BABAM2: variants seen among roughly 807,000 people sequenced by gnomAD.
BABAM2 encodes BRISC and BRCA1 A complex member 2, also known as BRISC and BRCA1-A complex member 2.
Under a neutral mutation model 54.7 loss-of-function variants are expected in BABAM2, and 31 were observed. That is an observed-to-expected ratio of 0.57 (90% CI 0.43 to 0.77). The LOEUF is 0.77. Ranked by LOEUF, BABAM2 falls within the 30% of genes least tolerant of loss-of-function variation. The pLI is 0.00. For missense variants in BABAM2, 364 were observed against 455.8 expected (o/e 0.80, Z 1.83); for synonymous variants, 167 against 162.9 (o/e 1.03, Z -0.19).
chr2:28,266,300 C>T (rs2148148197), intron 10 of BABAM2, among the ~76,000 whole-genome samples: 1 of 152,288 alleles, frequency 6.6e-6, no homozygotes, highest in East Asian at 1.9e-4. Context: ...TTTCTTCTTT[C>T]TGACTTGAAA....
intron 7 of BABAM2, among the ~76,000 whole-genome samples, chr2:28,202,485 A>G (rs956647094): frequency 1.3e-5 from 2 of 151,920 alleles, no homozygotes; most frequent in Admixed American, 6.6e-5. Flanking sequence ...TATAATGTTG[A>G]GTAGGAAGTT....
Position 28,338,817 on chromosome 2 carries a change from T to C in BABAM2, c.*304T>C. On this transcript the variant is annotated 3_prime_UTR_variant, in exon 12 of 12. Coordinates refer to ENST00000379624, the MANE Select transcript of BABAM2 (RefSeq NM_199191.3). The stretch of plus-strand genomic sequence containing the variant: ...TCCGGGGAAAGTAAAGCCTCAGGAA[T>C]GCCCACGCCTTTCTTCCAAAGCCTT... 3 of 340,808 alleles carry C rather than the reference T, an allele frequency of 8.8e-6. No individual in the cohort carries two copies. In the South Asian group the frequency reaches 9.5e-5, roughly 11 times the overall value. 21.1% of individuals were successfully genotyped at this position (340,808 alleles called of 1,614,324 possible). A position where few individuals can be genotyped will look rare whatever the true frequency, so the allele number is the denominator to read the frequency against.
intron 7 of BABAM2, among the ~76,000 whole-genome samples, chr2:28,208,588 C>T (rs1183052748): frequency 1.3e-5 from 2 of 151,970 alleles, no homozygotes; most frequent in East Asian, 1.9e-4. Flanking sequence ...TCCTTCCCTC[C>T]TTTTCTCCTT....
chr2:28,222,460 G>A (rs953484647), intron 7 of BABAM2, among the ~76,000 whole-genome samples: 7 of 152,122 alleles, frequency 4.6e-5, no homozygotes, highest in African/African-American at 4.8e-5. Flanking sequence ...AACTACTTTC[G>A]GCCCATTGAT....
At position 28,196,321 on chromosome 2, in the gene BABAM2, C is replaced by CGTCTCAAAAAAAAAAAA. The variant is rs1360883175; in HGVS notation, c.681-40881_681-40880insGTCTCAAAAAAAAAAAA. Among the ~76,000 whole-genome samples the CGTCTCAAAAAAAAAAAA allele has an allele frequency of 1.1e-4, 12 of 107,552 alleles. 1 individual carries two copies. The highest frequency in any genetic ancestry group is 4.9e-4 in the Admixed American group (5 of 10,240). The allele number at this position is 107,552 out of a possible 152,430, so 70.6% of individuals were successfully genotyped here. A position where few individuals can be genotyped will look rare whatever the true frequency, so the allele number is the denominator to read the frequency against. The stretch of plus-strand genomic sequence containing the variant: ...CAGCCTGGGCAACAGAGCAAGACTC[C>CGTCTCAAAAAAAAAAAA]ATATAAAAAAAAAATGAATTTTTTA... On this transcript the variant is annotated intron_variant, in intron 7 of 11. Transcript: ENST00000379624.
chr2:28,327,028 T>C lies in BABAM2; in HGVS notation c.1089-11422T>C, dbSNP rs1690524638. On this transcript the variant is annotated intron_variant, in intron 11 of 11. Transcript: ENST00000379624. ...AGCTGGTGAGTGTTGGACACTATGCTCCAGGCTGGGGATGCAAAGATGGAT... is the reference window on the plus strand; with the variant it reads ...AGCTGGTGAGTGTTGGACACTATGCCCCAGGCTGGGGATGCAAAGATGGAT... 2.0e-5 allele frequency among the ~76,000 whole-genome samples: 3 copies of C among 152,192 alleles called. No homozygotes were observed. The South Asian group carries it at 6.2e-4, about 32-fold the overall frequency.
chr2:28,064,024 A>G (rs764017712), intron 6 of BABAM2, among the ~76,000 whole-genome samples: 1 of 152,220 alleles, frequency 6.6e-6, no homozygotes, highest in South Asian at 2.1e-4. Context: ...AGAGACTACC[A>G]TGGAGGCTTC....
At chr2:28,200,439 A>T (rs1431703630) in intron 7 of BABAM2, among the ~76,000 whole-genome samples, 1 of 152,236 alleles carries the variant, frequency 6.6e-6, no homozygotes, top group Non-Finnish European at 1.5e-5. Flanking sequence ...TAATAAAAGC[A>T]GTATATCATT....
chr2:27,914,960 G>T (rs1024493457), intron 2 of BABAM2, among the ~76,000 whole-genome samples: 3 of 152,038 alleles, frequency 2.0e-5, no homozygotes, highest in Admixed American at 2.0e-4. Context: ...GCTCTGTCTA[G>T]TCTCTGCTTG....
intron 8 of BABAM2, among the ~76,000 whole-genome samples, chr2:28,238,293 C>T (rs1025937420): frequency 3.3e-5 from 5 of 152,180 alleles, no homozygotes; most frequent in African/African-American, 1.2e-4. Flanking sequence ...TAATGTCCAG[C>T]TAGTATATTT....
chr2:28,051,162 G>A (rs746310679), intron 6 of BABAM2, among the ~76,000 whole-genome samples: 2 of 152,160 alleles, frequency 1.3e-5, no homozygotes, highest in Non-Finnish European at 2.9e-5. Context: ...TTACTTGTTG[G>A]ATGCTGCTTC....
chr2:28,009,986 G>A (rs1334059562), intron 4 of BABAM2, among the ~76,000 whole-genome samples: 6 of 152,154 alleles, frequency 3.9e-5, no homozygotes, highest in African/African-American at 1.2e-4. Flanking sequence ...TTAAGGGACT[G>A]TGAAGCCAGT....
intron 7 of BABAM2, among the ~76,000 whole-genome samples, chr2:28,182,024 G>C (rs541797417): frequency 1.3e-5 from 2 of 152,300 alleles, no homozygotes; most frequent in South Asian, 4.2e-4. Flanking sequence ...TACTGAGAGT[G>C]ATCAAGGATC....
chr2:28,229,730 G>T (rs903348108), intron 7 of BABAM2, among the ~76,000 whole-genome samples: 2 of 151,876 alleles, frequency 1.3e-5, no homozygotes, highest in Non-Finnish European at 2.9e-5. Flanking sequence ...AACTACAGGT[G>T]TGCACCACCA....
chr2:28,206,546 G>A (rs2147972087), intron 7 of BABAM2, among the ~76,000 whole-genome samples: 1 of 152,270 alleles, frequency 6.6e-6, no homozygotes, highest in East Asian at 1.9e-4. Context: ...ACTGACTGAT[G>A]AGGTGGTGAG....
intron 6 of BABAM2, among the ~76,000 whole-genome samples, chr2:28,048,073 C>G (rs1208314195): frequency 6.6e-6 from 1 of 152,170 alleles, no homozygotes; most frequent in African/African-American, 2.4e-5. Context: ...AATAAACTTC[C>G]TGAATTCCTA....
At chr2:27,910,668 T>C (rs1481078046) in intron 2 of BABAM2, among the ~76,000 whole-genome samples, 1 of 152,166 alleles carries the variant, frequency 6.6e-6, no homozygotes, top group Non-Finnish European at 1.5e-5. Flanking sequence ...AAATGGAATT[T>C]ATACTGCACA....
chr2:27,890,189 C>T (rs973615092), upstream of BABAM2: 1 of 1,488,234 alleles, frequency 6.7e-7, no homozygotes, highest in Admixed American at 1.7e-5. The surrounding 1 kb of genome is among the most constrained non-coding windows in gnomAD (Gnocchi z 4.8). Flanking sequence ...AAAAGCTCCA[C>T]TGGGCGCATA....
At chr2:28,058,609 C>G (rs1678615612) in intron 6 of BABAM2, among the ~76,000 whole-genome samples, 1 of 151,382 alleles carries the variant, frequency 6.6e-6, no homozygotes. Context: ...AGCTGGGGTG[C>G]ATGGTCACTT....
Sources: gnomAD v4.1 joint callset for allele counts (sites outside exome capture counted in the v4.1 genomes callset) on GRCh38, gnomAD v4.1.1 for gene constraint, Gnocchi (gnomAD v3.1) non-coding constraint, MANE v1.5 for transcripts, NCBI Gene and HGNC (gene_info 2026-07-23, HGNC 2026-07-21) for gene names.